Variants in AGPAT4 observed in about 807,000 individuals in gnomAD.
AGPAT4 encodes the protein 1-acyl-sn-glycerol-3-phosphate acyltransferase delta.
AGPAT4 carries 15 observed loss-of-function variants against 48.0 expected under a neutral mutation model. The ratio of observed to expected loss-of-function variants is 0.31; its 90% CI spans 0.21 to 0.48. The LOEUF is 0.48. Ranked by LOEUF, AGPAT4 falls within the 20% of genes least tolerant of loss-of-function variation. The pLI is 0.99. For synonymous variants in AGPAT4, 178 were observed against 198.7 expected (o/e 0.90, Z 0.88); for missense variants, 314 against 482.5 (o/e 0.65, Z 3.27).
At position 161,197,361 on chromosome 6, in the gene AGPAT4, A is replaced by C. The variant is rs1436554133; in HGVS notation, c.179-30944T>G. On this transcript the variant is annotated intron_variant, in intron 2 of 8. Transcript: ENST00000320285. The surrounding 1 kb of genome is among the most constrained non-coding windows in gnomAD (Gnocchi z 5.7). ...CTAAGTGATTCTTGATGGAGTAAGT[A>C]CACCTGCTTATGTTTATTTCTTAAC... 6.6e-6 allele frequency among the ~76,000 whole-genome samples: 1 copy of C among 152,164 alleles called. No individual in the cohort carries two copies. The highest frequency in any genetic ancestry group is 2.4e-5 in the African/African-American group (1 of 41,444).
intron 2 of AGPAT4, among the ~76,000 whole-genome samples, chr6:161,183,249 G>C (rs549254630): frequency 6.6e-6 from 1 of 152,104 alleles, no homozygotes; most frequent in African/African-American, 2.4e-5. Context: ...CTGCACAGGA[G>C]CTTGGATGTG....
chr6:161,256,178 G>A (rs1198095274), intron 1 of AGPAT4, among the ~76,000 whole-genome samples: 6 of 152,120 alleles, frequency 3.9e-5, no homozygotes, highest in Non-Finnish European at 8.8e-5. Flanking sequence ...AAATGATCTC[G>A]GAGACTGGTC....
In AGPAT4 at chr6:161,189,264, C is replaced by T. The variant is rs1780856002; in HGVS notation, c.179-22847G>A. Among the ~76,000 whole-genome samples the T allele has an allele frequency of 6.6e-6, 1 of 152,126 alleles. No individual in the cohort carries two copies. The highest frequency in any genetic ancestry group is 1.5e-5 in the Non-Finnish European group (1 of 68,036). On this transcript the variant is annotated intron_variant, in intron 2 of 8. Coordinates refer to ENST00000320285, the MANE Select transcript of AGPAT4 (RefSeq NM_020133.3). The surrounding 1 kb of genome is among the most constrained non-coding windows in gnomAD (Gnocchi z 5.3). ...GCTTTCCCATCTGCGGACTGTCCTG[C>T]CTCCTCCCCATCTGGCTCTTGTGGT...
rs1675579105 is a variant in AGPAT4, at chr6:161,220,549, C to T, written c.178+11487G>A. ...TCCTCAAGCAGAGCAAGTAGAGGAA[C>T]CAAAGACTTGTTGCCCTCTTTTTGG... is the stretch of plus-strand genomic sequence containing the variant. On this transcript the variant is annotated intron_variant, in intron 2 of 8. Coordinates refer to ENST00000320285, the MANE Select transcript of AGPAT4 (RefSeq NM_020133.3). The surrounding 1 kb of genome is among the most constrained non-coding windows in gnomAD (Gnocchi z 6.0). 6.6e-6 allele frequency among the ~76,000 whole-genome samples: 1 copy of T among 152,134 alleles called. No individual in the cohort carries two copies. The highest frequency in any genetic ancestry group is 6.5e-5 in the Admixed American group (1 of 15,272).
chr6:161,254,220 CAT>C lies in AGPAT4; in HGVS notation c.-90+19716_-90+19717del, dbSNP rs1156311529. On this transcript the variant is annotated intron_variant, in intron 1 of 8. Coordinates refer to ENST00000320285, the MANE Select transcript of AGPAT4 (RefSeq NM_020133.3). This position sits in a 1 kb window ranked among gnomAD's most constrained non-coding sequence, Gnocchi z 5.9. ...TTTTAAGATCACATGAGTATGTTAA[CAT>C]ATGTCACTTGATATTGAAAAAGCTC... Among the ~76,000 whole-genome samples, 7 of 152,114 alleles carry C rather than the reference CAT, an allele frequency of 4.6e-5. No homozygotes were observed. Among genetic ancestry groups the C allele is most frequent in the African/African-American group, 1.7e-4 (7 of 41,416 alleles).
intron 7 of AGPAT4, among the ~76,000 whole-genome samples, chr6:161,145,357 T>A (rs1454820091): frequency 6.6e-6 from 1 of 151,634 alleles, no homozygotes; most frequent in Admixed American, 6.5e-5. Context: ...TTGTAATTTG[T>A]GTATTTGTAA....
intron 2 of AGPAT4, among the ~76,000 whole-genome samples, chr6:161,175,240 T>C (rs1331153155): frequency 2.6e-5 from 4 of 152,258 alleles, no homozygotes; most frequent in Non-Finnish European, 5.9e-5. Context: ...CTCCTCTTTG[T>C]ACCTCTGGTA....
intron 1 of AGPAT4, among the ~76,000 whole-genome samples, chr6:161,256,352 C>T (rs956979731): frequency 3.9e-5 from 6 of 152,216 alleles, no homozygotes; most frequent in Admixed American, 3.3e-4. Context: ...AAGAATTAGG[C>T]TTTGTGCCTA....
rs917647374 is a variant in AGPAT4 at position 161,246,534 on chromosome 6, C to T, written c.-89-14232G>A. On this transcript the variant is annotated intron_variant, in intron 1 of 8. Coordinates refer to ENST00000320285, the MANE Select transcript of AGPAT4 (RefSeq NM_020133.3). The surrounding 1 kb of genome is among the most constrained non-coding windows in gnomAD (Gnocchi z 5.5). ...AAGCGATTCTCCTGCCTCAGCCTCC[C>T]GAGTAGCTGGGATTACAGGCATGCG... 2.6e-5 allele frequency among the ~76,000 whole-genome samples: 4 copies of T among 152,048 alleles called. No homozygotes were observed. Among genetic ancestry groups the T allele is most frequent in the Admixed American group, 2.0e-4 (3 of 15,276 alleles).
rs151127125 is a variant in AGPAT4 at position 161,154,908 on chromosome 6, C to T, written c.349-598G>A. Reference sequence around the variant, plus strand: ...ACTCTGCTGAGCTCTGCAGTTGAGGCAAACAGGAGTCTCCGCTCACAGAGC... The same window carrying T: ...ACTCTGCTGAGCTCTGCAGTTGAGGTAAACAGGAGTCTCCGCTCACAGAGC... On this transcript the variant is annotated intron_variant, in intron 3 of 8. Transcript: ENST00000320285. The surrounding 1 kb of genome is among the most constrained non-coding windows in gnomAD (Gnocchi z 7.8). 1.0e-3 allele frequency among the ~76,000 whole-genome samples: 158 copies of T among 152,354 alleles called. No homozygotes were observed. The highest frequency in any genetic ancestry group is 3.5e-3 in the African/African-American group (147 of 41,580).
At chr6:161,181,145 C>T (rs1232169990) in intron 2 of AGPAT4, among the ~76,000 whole-genome samples, 4 of 152,102 alleles carry the variant, frequency 2.6e-5, no homozygotes, top group African/African-American at 9.7e-5. Flanking sequence ...AAGGTGCCTC[C>T]CAGCTCTAGC....
rs1780475177 is a variant in AGPAT4, at chr6:161,178,037, T to C, written c.179-11620A>G. Among the ~76,000 whole-genome samples, 2 of 152,200 alleles carry C rather than the reference T, an allele frequency of 1.3e-5. No individual in the cohort carries two copies. The highest frequency in any genetic ancestry group is 2.9e-5 in the Non-Finnish European group (2 of 68,024). On this transcript the variant is annotated intron_variant, in intron 2 of 8. Coordinates refer to ENST00000320285, the MANE Select transcript of AGPAT4 (RefSeq NM_020133.3). This position sits in a 1 kb window ranked among gnomAD's most constrained non-coding sequence, Gnocchi z 5.1. ...GCTTCGTCTCAGAGGGGCACCTGAC[T>C]GTATGTGGTGTCAAATGGCCCCTAC... is the stretch of plus-strand genomic sequence containing the variant.
rs184439069 is a variant in AGPAT4, at chr6:161,149,846, T to A, written c.665-557A>T. Among the ~76,000 whole-genome samples the A allele has an allele frequency of 6.6e-6, 1 of 152,268 alleles. No individual in the cohort carries two copies. Among genetic ancestry groups the A allele is most frequent in the East Asian group, 1.9e-4 (1 of 5,182 alleles). ...TGTAAGCCACTGTGCCCAGCCCAGATCACTTTTAAAGCAATACTGCAAAGT... is the reference window on the plus strand; with the variant it reads ...TGTAAGCCACTGTGCCCAGCCCAGAACACTTTTAAAGCAATACTGCAAAGT... On this transcript the variant is annotated intron_variant, in intron 5 of 8. Coordinates refer to ENST00000320285, the MANE Select transcript of AGPAT4 (RefSeq NM_020133.3). The surrounding 1 kb of genome is among the most constrained non-coding windows in gnomAD (Gnocchi z 6.5).
In AGPAT4 at chr6:161,153,381, C is replaced by G; in HGVS notation, c.629G>C (p.Gly210Ala). The change falls in exon 5 of 9, where the codon GGC becomes GCC. Residue 210 changes from glycine to alanine, a missense_variant. Gly to Ala is a moderately conservative substitution (Grantham distance 60). Coordinates refer to ENST00000320285, the MANE Select transcript of AGPAT4 (RefSeq NM_020133.3). The part of the protein sequence containing the change: ...LKHHLLPRTK[G>A]FAITVRSLRN... ...CAAGCTCCTCACGGTGATGGCGAAG[C>G]CCTTGGTTCGTGGCAACAGGTGATG... 1.2e-6 allele frequency: 2 copies of G among 1,610,612 alleles called. No homozygotes were observed. The highest frequency in any genetic ancestry group is 1.7e-6 in the Non-Finnish European group (2 of 1,178,418).
At chr6:161,257,174 G>A (rs567541270) in intron 1 of AGPAT4, among the ~76,000 whole-genome samples, 1 of 152,342 alleles carries the variant, frequency 6.6e-6, no homozygotes, top group South Asian at 2.1e-4. Context: ...ATGCTAAAAT[G>A]TTCCAAATAT....
At position 161,214,717 on chromosome 6, in the gene AGPAT4, C is replaced by T. The variant is rs541256603; in HGVS notation, c.178+17319G>A. Among the ~76,000 whole-genome samples, 17 of 152,172 alleles carry T rather than the reference C, an allele frequency of 1.1e-4. No homozygotes were observed. The highest frequency in any genetic ancestry group is 3.9e-4 in the African/African-American group (16 of 41,520). On this transcript the variant is annotated intron_variant, in intron 2 of 8. Transcript: ENST00000320285. The surrounding 1 kb of genome is among the most constrained non-coding windows in gnomAD (Gnocchi z 5.4). ...CCAGGAGGCAAAGGTTGCAGTGAGCCGAGATCGTGCCACTGCACTCTAGCC... is the reference window on the plus strand; with the variant it reads ...CCAGGAGGCAAAGGTTGCAGTGAGCTGAGATCGTGCCACTGCACTCTAGCC...
chr6:161,140,608 C>G lies in AGPAT4; in HGVS notation c.844-988G>C, dbSNP rs575558320. Among the ~76,000 whole-genome samples, 1 of 152,222 alleles carries G rather than the reference C, an allele frequency of 6.6e-6. No homozygotes were observed. The highest frequency in any genetic ancestry group is 2.1e-4 in the South Asian group (1 of 4,834). ...GAGCTGCTGAACACAAGGGAGGGAC[C>G]CAGGAACCCAGGTCAGCAGGCGTGC... On this transcript the variant is annotated intron_variant, in intron 7 of 8. Transcript: ENST00000320285. The surrounding 1 kb of genome is among the most constrained non-coding windows in gnomAD (Gnocchi z 6.5).
rs1780545743 is a variant in AGPAT4, at chr6:161,180,249, C to T, written c.179-13832G>A. On this transcript the variant is annotated intron_variant, in intron 2 of 8. Coordinates refer to ENST00000320285, the MANE Select transcript of AGPAT4 (RefSeq NM_020133.3). The surrounding 1 kb of genome is among the most constrained non-coding windows in gnomAD (Gnocchi z 6.4). ...CCACCATTCCCCAAGGCTCCTGCTC[C>T]TTCCTCGCTCCAGTGGGTGGGCCCA... Among the ~76,000 whole-genome samples, 1 of 152,192 alleles carries T rather than the reference C, an allele frequency of 6.6e-6. No individual in the cohort carries two copies. The highest frequency in any genetic ancestry group is 2.4e-5 in the African/African-American group (1 of 41,452).
intron 2 of AGPAT4, among the ~76,000 whole-genome samples, chr6:161,199,269 C>T (rs138286558): frequency 2.0e-5 from 3 of 152,286 alleles, no homozygotes; most frequent in Admixed American, 6.5e-5. Flanking sequence ...TTGTCATGCC[C>T]GCCCCTCCTA....
Sources: allele counts gnomAD v4.1 joint callset (sites outside exome capture counted in the v4.1 genomes callset), GRCh38; gene constraint gnomAD v4.1.1; non-coding constraint Gnocchi (gnomAD v3.1); transcripts MANE v1.5; gene names NCBI Gene and HGNC (gene_info 2026-07-23, HGNC 2026-07-21).